SIPA1L2: variants seen among roughly 807,000 people sequenced by gnomAD.
The protein encoded by SIPA1L2 is signal induced proliferation associated 1 like 2, also known as signal-induced proliferation-associated 1-like protein 2.
A neutral mutation model predicts 163.9 loss-of-function variants in SIPA1L2; 56 were observed. That is an observed-to-expected ratio of 0.34 (90% CI 0.28 to 0.43). SIPA1L2 has a LOEUF of 0.43. Among genes scored for constraint, SIPA1L2 ranks in the 20% least tolerant of loss-of-function variants. The pLI is 1.00. For synonymous variants in SIPA1L2, 877 were observed against 865.7 expected (o/e 1.01, Z -0.23); for missense variants, 1,974 against 2,193.5 (o/e 0.90, Z 2.00).
chr1:232,444,650 C>T (rs1365470965), intron 11 of SIPA1L2, among the ~76,000 whole-genome samples: 1 of 152,186 alleles, frequency 6.6e-6, no homozygotes, highest in East Asian at 1.9e-4. Context: ...AAGTGCCAGG[C>T]CCAGTTCCAA....
intron 1 of SIPA1L2, among the ~76,000 whole-genome samples, chr1:232,623,295 G>A (rs934896831): frequency 6.6e-6 from 1 of 152,198 alleles, no homozygotes; most frequent in Non-Finnish European, 1.5e-5. Context: ...GAGTGTGATA[G>A]TATGATGCTT....
At chr1:232,484,502 T>C (rs764450189) in intron 5 of SIPA1L2, among the ~76,000 whole-genome samples, 6 of 152,224 alleles carry the variant, frequency 3.9e-5, no homozygotes, top group Non-Finnish European at 8.8e-5. Context: ...AATTATGATA[T>C]ATGTATACAA....
At position 232,469,553 on chromosome 1, in the gene SIPA1L2, C is replaced by T. The variant is rs556667026; in HGVS notation, c.2243+1818G>A. Reference sequence around the variant, plus strand: ...AGCAAGATCAACGAAGCTGATGAGGCACTTCCAAAAATGTTAGGCACTTGA... The same window carrying T: ...AGCAAGATCAACGAAGCTGATGAGGTACTTCCAAAAATGTTAGGCACTTGA... On this transcript the variant is annotated intron_variant, in intron 8 of 22. Transcript: ENST00000674635. Among the ~76,000 whole-genome samples, 6 of 152,230 alleles carry T rather than the reference C, an allele frequency of 3.9e-5. No individual in the cohort carries two copies. The South Asian group carries it at 1.2e-3, about 32-fold the overall frequency.
chr1:232,521,346 A>C (rs578008572), intron 2 of SIPA1L2, among the ~76,000 whole-genome samples: 1 of 152,372 alleles, frequency 6.6e-6, no homozygotes, highest in African/African-American at 2.4e-5. Flanking sequence ...GATGTAGTTA[A>C]GAATTTTTTC....
intron 22 of SIPA1L2, among the ~76,000 whole-genome samples, chr1:232,399,690 G>C (rs1257126393): frequency 6.6e-6 from 1 of 152,080 alleles, no homozygotes; most frequent in Non-Finnish European, 1.5e-5. Flanking sequence ...ATGTACTTAG[G>C]TCTTTCATTC....
At position 232,432,248 on chromosome 1, in the gene SIPA1L2, C is replaced by T. The variant is rs748738977; in HGVS notation, c.4255G>A (p.Gly1419Arg). The T allele has an allele frequency of 1.8e-5, 29 of 1,613,032 alleles. No homozygotes were observed. Among genetic ancestry groups the T allele is most frequent in the East Asian group, 1.3e-4 (6 of 44,886 alleles). ...PEEPEVTECP[G>R]MYSEMDVMST... is the part of the protein sequence containing the mutation. ...GAGAAGAACAGCCAGCCACCTTACC[C>T]GGGACATTCAGTCACTTCAGGCTCC... is the stretch of plus-strand genomic sequence containing the variant. Residue 1419 changes from glycine (G) to arginine (R), a missense_variant and splice_region_variant, in exon 16 of 23, where the codon GGG becomes AGG. Coordinates refer to ENST00000674635, the MANE Select transcript of SIPA1L2 (RefSeq NM_020808.5).
Position 232,515,003 on chromosome 1 carries a change from C to T in SIPA1L2, c.337G>A (p.Val113Ile), listed in dbSNP as rs757777703. ...SQTSYESITS[V>I]LQNGQSDQSE... ...TGGTCACTCTGCCCATTCTGCAGGA[C>T]AGAAGTGATGCTTTCATAACTGGTC... The change falls in exon 3 of 23, where the codon GTC becomes ATC. Residue 113 changes from valine (V) to isoleucine (I), a missense_variant. Val to Ile is a conservative substitution (Grantham distance 29). This residue lies in a region of SIPA1L2 where 607 missense variants were observed against 624.0 expected (regional missense o/e 0.97). Coordinates refer to ENST00000674635, the MANE Select transcript of SIPA1L2 (RefSeq NM_020808.5). 5.6e-5 allele frequency: 91 copies of T among 1,614,056 alleles called. No homozygotes were observed. The highest frequency in any genetic ancestry group is 4.5e-5 in the East Asian group (2 of 44,886).
intron 1 of SIPA1L2, among the ~76,000 whole-genome samples, chr1:232,577,525 G>A (rs1660145763): frequency 6.6e-6 from 1 of 152,100 alleles, no homozygotes; most frequent in Non-Finnish European, 1.5e-5. Flanking sequence ...CAATTCCTCT[G>A]GTGGATCTGG....
rs183728728 is a variant in SIPA1L2, at chr1:232,446,656, A to G, written c.3096-870T>C. 9.3e-4 allele frequency among the ~76,000 whole-genome samples: 142 copies of G among 152,346 alleles called. 2 individuals are homozygous for G. The highest frequency in any genetic ancestry group is 8.0e-3 in the Admixed American group (122 of 15,302). ...ACTAGGCCATGTCTGTGTTCAACATATGGGAGTTGGTGGATTCTAAGGTTT... is the reference window on the plus strand; with the variant it reads ...ACTAGGCCATGTCTGTGTTCAACATGTGGGAGTTGGTGGATTCTAAGGTTT... On this transcript the variant is annotated intron_variant, in intron 10 of 22. Coordinates refer to ENST00000674635, the MANE Select transcript of SIPA1L2 (RefSeq NM_020808.5).
intron 3 of SIPA1L2, among the ~76,000 whole-genome samples, chr1:232,494,002 T>C (rs1041972316): frequency 4.6e-5 from 7 of 152,160 alleles, no homozygotes; most frequent in African/African-American, 1.4e-4. Context: ...TGGCTACTTG[T>C]AGAATCAATA....
chr1:232,563,367 A>G (rs1659155471), intron 2 of SIPA1L2, among the ~76,000 whole-genome samples: 1 of 152,206 alleles, frequency 6.6e-6, no homozygotes, highest in African/African-American at 2.4e-5. Flanking sequence ...TAGCCCTTAC[A>G]GCCTACACAA....
rs139370817 is a variant in SIPA1L2, at chr1:232,492,667, C to T, written c.1617+860G>A. ...AGCGTGGGTAGTAATGACTGTCCTG[C>T]TGAGTTTTGGACTTGCATGGGGCCT... On this transcript the variant is annotated intron_variant, in intron 4 of 22. Coordinates refer to ENST00000674635, the MANE Select transcript of SIPA1L2 (RefSeq NM_020808.5). Among the ~76,000 whole-genome samples, 1,198 of 152,302 alleles carry T rather than the reference C, an allele frequency of 7.9e-3. 27 individuals are homozygous for T. The highest frequency in any genetic ancestry group is 0.042 in the Admixed American group (636 of 15,304).
rs114400463 is a variant in SIPA1L2, at chr1:232,411,804, C to T, written c.4762+3690G>A. Among the ~76,000 whole-genome samples, 734 of 152,250 alleles carry T rather than the reference C, an allele frequency of 4.8e-3. 4 individuals carry two copies. Among genetic ancestry groups the T allele is most frequent in the South Asian group, 8.9e-3 (43 of 4,822 alleles). ...CTTTTTCATGATCCTAAAAAAATTG[C>T]TCTTGTCATATTCATTAATTCTTCC... On this transcript the variant is annotated intron_variant, in intron 19 of 22. Coordinates refer to ENST00000674635, the MANE Select transcript of SIPA1L2 (RefSeq NM_020808.5).
rs759608359 is a variant in SIPA1L2 at position 232,515,422 on chromosome 1, T to C, written c.-83A>G. 1.1e-5 allele frequency: 15 copies of C among 1,384,750 alleles called. No individual in the cohort carries two copies. The highest frequency in any genetic ancestry group is 1.5e-5 in the Non-Finnish European group (15 of 1,034,276). 85.8% of individuals were successfully genotyped at this position (1,384,750 alleles called of 1,614,324 possible). Reference sequence around the variant, plus strand: ...ATTGCTACCGACCACGCCATAATACTTGCAGATATAAAGGCTTTGTCTGTA... The same window carrying C: ...ATTGCTACCGACCACGCCATAATACCTGCAGATATAAAGGCTTTGTCTGTA... On this transcript the variant is annotated 5_prime_UTR_variant, in exon 3 of 23. Coordinates refer to ENST00000674635, the MANE Select transcript of SIPA1L2 (RefSeq NM_020808.5).
chr1:232,465,499 CACACACACACATATACAT>C lies in SIPA1L2; in HGVS notation c.2244-101_2244-84del. 1 of 1,034,478 alleles carries C rather than the reference CACACACACACATATACAT, an allele frequency of 9.7e-7. No individual in the cohort carries two copies. The highest frequency in any genetic ancestry group is 2.3e-5 in the Admixed American group (1 of 42,694). 64.1% of individuals were successfully genotyped at this position (1,034,478 alleles called of 1,614,324 possible). On this transcript the variant is annotated intron_variant, in intron 8 of 22. Coordinates refer to ENST00000674635, the MANE Select transcript of SIPA1L2 (RefSeq NM_020808.5). This position sits in a 1 kb window ranked among gnomAD's most constrained non-coding sequence, Gnocchi z 4.1. ...TTTCCGAATTTGACATATATATACA[CACACACACACATATACAT>C]ACACACACACACACACATATACATA...
intron 16 of SIPA1L2, 138 bp from the exon 17 acceptor site, chr1:232,428,702 C>T (rs1662047844): frequency 3.9e-6 from 2 of 514,124 alleles, no homozygotes; most frequent in Admixed American, 4.1e-5. Flanking sequence ...TTCACTTTTG[C>T]TGCGTTTGCT....
At chr1:232,492,102 G>A (rs952658085) in intron 4 of SIPA1L2, among the ~76,000 whole-genome samples, 1 of 151,934 alleles carries the variant, frequency 6.6e-6, no homozygotes, top group Non-Finnish European at 1.5e-5. Context: ...TTTAGGAGAG[G>A]GGCTTTATCT....
chr1:232,487,115 G>A (rs891445576), intron 5 of SIPA1L2, among the ~76,000 whole-genome samples: 2 of 152,338 alleles, frequency 1.3e-5, no homozygotes, highest in South Asian at 2.1e-4. Context: ...TATGGCTTCA[G>A]TGCTGACAGC....
intron 2 of SIPA1L2, among the ~76,000 whole-genome samples, chr1:232,547,275 G>A (rs915617411): frequency 6.6e-6 from 1 of 152,030 alleles, no homozygotes; most frequent in African/African-American, 2.4e-5. Context: ...ACACACAGCT[G>A]GGATAAGTAA....
Sources: gnomAD v4.1 joint callset for allele counts (sites outside exome capture counted in the v4.1 genomes callset) on GRCh38, gnomAD v4.1.1 for gene constraint, gnomAD v4.1.1 regional missense constraint, Gnocchi (gnomAD v3.1) non-coding constraint, MANE v1.5 for transcripts, NCBI Gene and HGNC (gene_info 2026-07-23, HGNC 2026-07-21) for gene names.